Variants in CELF2 observed in about 807,000 individuals in gnomAD.
The protein encoded by CELF2 is CUGBP Elav-like family member 2.
In CELF2, 8 loss-of-function variants were observed where a neutral mutation model predicts 62.6. The observed-to-expected ratio is 0.13, with a 90% confidence interval of 0.07 to 0.23. The LOEUF (loss-of-function observed/expected upper bound fraction) is 0.23. CELF2 is among the 10% of genes least tolerant of loss of function. CELF2 has a pLI of 1.00. For synonymous variants in CELF2, 258 were observed against 250.0 expected, an observed-to-expected ratio of 1.03 and a Z score of -0.30; for missense variants, 333 against 671.0, an observed-to-expected ratio of 0.50 and a Z score of 5.56.
chr10:10,612,416 G>A, the CELF2 span, among the ~76,000 whole-genome samples: 63 of 152,062 alleles, frequency 4.1e-4, no homozygotes, highest in Non-Finnish European at 6.6e-4. Context: ...TAAGCATCCC[G>A]TCACCAAATA....
chr10:10,994,926 T>G (rs1192420732), intron 2 of CELF2, among the ~76,000 whole-genome samples: 2 of 152,104 alleles, frequency 1.3e-5, no homozygotes, highest in African/African-American at 4.8e-5. Context: ...TCTCACACTT[T>G]CCCTCCATGT....
At chr10:11,185,634 G>A (rs188752783) in intron 2 of CELF2, among the ~76,000 whole-genome samples, 202 of 152,164 alleles carry the variant, frequency 1.3e-3, no homozygotes, top group Admixed American at 6.7e-3. Context: ...AGCTGGTCTC[G>A]AACTCCTGAC....
At chr10:10,703,625 A>G in the CELF2 span, among the ~76,000 whole-genome samples, 1 of 152,260 alleles carries the variant, frequency 6.6e-6, no homozygotes, top group East Asian at 1.9e-4. Flanking sequence ...AGCTCCCTAG[A>G]TGGTTCTAAT....
chr10:11,319,525 C>G lies in CELF2; in HGVS notation c.1097-1664C>G, dbSNP rs530651595. ...CTTTGGACAGCACTTACTTGCATGA[C>G]CCAAAGAAAACATTAATGAAAATCT... On this transcript the variant is annotated intron_variant, in intron 10 of 12. Coordinates refer to ENST00000633077, the MANE Select transcript of CELF2 (RefSeq NM_001326342.2). The surrounding 1 kb of genome is among the most constrained non-coding windows in gnomAD (Gnocchi z 4.4). 1.8e-3 allele frequency among the ~76,000 whole-genome samples: 273 copies of G among 152,168 alleles called. 2 individuals carry two copies. The highest frequency in any genetic ancestry group is 6.3e-3 in the African/African-American group (260 of 41,504).
At chr10:10,504,560 T>C in the CELF2 span, among the ~76,000 whole-genome samples, 2 of 152,150 alleles carry the variant, frequency 1.3e-5, no homozygotes, top group Non-Finnish European at 2.9e-5. Context: ...TCCTGTAGGT[T>C]TATGTCTCTT....
intron 1 of CELF2, among the ~76,000 whole-genome samples, chr10:10,884,967 G>A (rs925442208): frequency 6.6e-6 from 1 of 152,188 alleles, no homozygotes; most frequent in African/African-American, 2.4e-5. Flanking sequence ...AGGGTATCTG[G>A]GCACAGTGGC....
At chr10:10,686,200 G>T in the CELF2 span, among the ~76,000 whole-genome samples, 1 of 151,510 alleles carries the variant, frequency 6.6e-6, no homozygotes, top group Non-Finnish European at 1.5e-5. Flanking sequence ...CAGATTACCT[G>T]GGAAAAACGT....
intron 1 of CELF2, among the ~76,000 whole-genome samples, chr10:11,086,828 T>C (rs1244206121): frequency 6.6e-6 from 1 of 152,036 alleles, no homozygotes; most frequent in Non-Finnish European, 1.5e-5. Flanking sequence ...CATGTAAAAA[T>C]ATATTTCTAC....
the CELF2 span, among the ~76,000 whole-genome samples, chr10:10,718,608 A>C: frequency 3.6e-5 from 5 of 139,402 alleles, no homozygotes; most frequent in Admixed American, 7.8e-5. Flanking sequence ...TGAGTGACAG[A>C]GCAAGACTCC....
the CELF2 span, among the ~76,000 whole-genome samples, chr10:10,528,946 T>C: frequency 6.6e-6 from 1 of 152,238 alleles, no homozygotes; most frequent in African/African-American, 2.4e-5. Context: ...GATTTTTATT[T>C]CCGCTATGTA....
At chr10:11,181,374 C>A (rs893702888) in intron 2 of CELF2, among the ~76,000 whole-genome samples, 2 of 152,182 alleles carry the variant, frequency 1.3e-5, no homozygotes, top group Non-Finnish European at 2.9e-5. Flanking sequence ...TCTCTGTATT[C>A]ATACCAGTTA....
rs550710991 is a variant in CELF2, at chr10:11,220,230, C to T, written c.354+2723C>T. ...CGATTTAAAACAAGATCAAATAATG[C>T]TAGGGTTTTTTCCGATGTAATTTTC... On this transcript the variant is annotated intron_variant, in intron 3 of 12. Transcript: ENST00000633077. This position sits in a 1 kb window ranked among gnomAD's most constrained non-coding sequence, Gnocchi z 4.4. Among the ~76,000 whole-genome samples the T allele has an allele frequency of 6.6e-6, 1 of 152,278 alleles. No homozygotes were observed. The highest frequency in any genetic ancestry group is 2.1e-4 in the South Asian group (1 of 4,826).
intron 1 of CELF2, among the ~76,000 whole-genome samples, chr10:10,806,027 G>T (rs1249631630): frequency 6.6e-6 from 1 of 152,208 alleles, no homozygotes; most frequent in Non-Finnish European, 1.5e-5. Flanking sequence ...CAGTTGAGAA[G>T]ATCTCTGGAC....
At chr10:10,853,043 G>A (rs2059483421) in intron 1 of CELF2, among the ~76,000 whole-genome samples, 6 of 152,168 alleles carry the variant, frequency 3.9e-5, no homozygotes, top group Admixed American at 3.9e-4. Context: ...CAGTGGTGCA[G>A]TCTTGGCTCA....
chr10:10,539,278 T>C, the CELF2 span, among the ~76,000 whole-genome samples: 2 of 152,190 alleles, frequency 1.3e-5, no homozygotes, highest in African/African-American at 4.8e-5. Flanking sequence ...AAAGGGATAA[T>C]TTAGGTCGGA....
intron 1 of CELF2, among the ~76,000 whole-genome samples, chr10:11,080,262 C>T (rs1387231151): frequency 2.0e-5 from 3 of 152,128 alleles, no homozygotes; most frequent in Admixed American, 6.5e-5. Context: ...TGTTAGTTCC[C>T]CTTGCTTTTT....
chr10:10,635,382 G>A, the CELF2 span, among the ~76,000 whole-genome samples: 22 of 152,004 alleles, frequency 1.4e-4, no homozygotes, highest in Non-Finnish European at 2.8e-4. Flanking sequence ...TCCTTTTTCC[G>A]TGGAAAGATT....
chr10:11,269,117 C>T lies in CELF2; in HGVS notation c.619-1549C>T, dbSNP rs573518168. Among the ~76,000 whole-genome samples the T allele has an allele frequency of 6.6e-6, 1 of 152,158 alleles. No individual in the cohort carries two copies. Among genetic ancestry groups the T allele is most frequent in the South Asian group, 2.1e-4 (1 of 4,814 alleles). On this transcript the variant is annotated intron_variant, in intron 6 of 12. Transcript: ENST00000633077. This position sits in a 1 kb window ranked among gnomAD's most constrained non-coding sequence, Gnocchi z 4.4. ...ATGACAACCCTTTTCCATGCAAAAC[C>T]CCCTCTCTACATAATCTTCAAAGTA...
the CELF2 span, among the ~76,000 whole-genome samples, chr10:10,618,914 G>A: frequency 1.3e-5 from 2 of 152,130 alleles, no homozygotes; most frequent in African/African-American, 4.8e-5. Flanking sequence ...TTTACACAGG[G>A]CATGAGAGAT....
Sources: allele counts gnomAD v4.1 joint callset (sites outside exome capture counted in the v4.1 genomes callset), GRCh38; gene constraint gnomAD v4.1.1; non-coding constraint Gnocchi (gnomAD v3.1); transcripts MANE v1.5; gene names NCBI Gene and HGNC (gene_info 2026-07-23, HGNC 2026-07-21).